LRBA: variants seen among roughly 807,000 people sequenced by gnomAD.
The protein encoded by LRBA is LPS responsive beige-like anchor protein.
In LRBA, 176 loss-of-function variants were observed where a neutral mutation model predicts 330.0. That is an observed-to-expected ratio of 0.53 (90% CI 0.47 to 0.60). The LOEUF (loss-of-function observed/expected upper bound fraction) is 0.60, where lower values mean the gene tolerates loss of function less well. Among genes scored for constraint, LRBA ranks in the 20% least tolerant of loss-of-function variants. The pLI is 0.00. For missense variants in LRBA, 3,259 were observed against 3,444.8 expected (o/e 0.95, Z 1.35); for synonymous variants, 1,230 against 1,193.0 (o/e 1.03, Z -0.64).
intron 56 of LRBA, among the ~76,000 whole-genome samples, chr4:150,276,502 T>C (rs1237311596): frequency 6.6e-6 from 1 of 152,170 alleles, no homozygotes; most frequent in East Asian, 1.9e-4. Context: ...GGCTACAGAA[T>C]TGGAGAAAAT....
At chr4:150,409,820 A>T (rs532886417) in intron 47 of LRBA, among the ~76,000 whole-genome samples, 3 of 152,218 alleles carry the variant, frequency 2.0e-5, no homozygotes, top group Non-Finnish European at 4.4e-5. Flanking sequence ...ATTACATATC[A>T]CGGCTAAAAG....
At chr4:150,853,832 A>G (rs1430635853) in intron 22 of LRBA, among the ~76,000 whole-genome samples, 2 of 152,192 alleles carry the variant, frequency 1.3e-5, no homozygotes, top group Admixed American at 6.5e-5. Context: ...AGAAAAACCT[A>G]TAACACATGC....
chr4:150,394,103 A>G (rs1268240480), intron 47 of LRBA, among the ~76,000 whole-genome samples: 1 of 152,146 alleles, frequency 6.6e-6, no homozygotes, highest in Non-Finnish European at 1.5e-5. Context: ...TTACATAACA[A>G]TTTCTTTGCC....
intron 13 of LRBA, among the ~76,000 whole-genome samples, chr4:150,905,550 T>C (rs1309497742): frequency 1.3e-5 from 2 of 152,122 alleles, no homozygotes; most frequent in African/African-American, 4.8e-5. Context: ...TTTCATTTAA[T>C]TTCAGAAAAC....
chr4:150,822,678 C>G (rs1046850455), intron 30 of LRBA, among the ~76,000 whole-genome samples: 3 of 152,114 alleles, frequency 2.0e-5, no homozygotes, highest in African/African-American at 7.2e-5. Flanking sequence ...CCCTTGATCC[C>G]ATGAGTTTGA....
At chr4:150,719,991 T>C (rs1021899165) in intron 36 of LRBA, among the ~76,000 whole-genome samples, 2 of 152,148 alleles carry the variant, frequency 1.3e-5, no homozygotes, top group African/African-American at 4.8e-5. Flanking sequence ...TGAGGATTTC[T>C]AAGAAAGACT....
intron 37 of LRBA, among the ~76,000 whole-genome samples, chr4:150,669,191 T>G (rs563550013): frequency 6.6e-6 from 1 of 152,164 alleles, no homozygotes; most frequent in South Asian, 2.1e-4. Context: ...GCAATAATAA[T>G]AGCTATTAAT....
intron 17 of LRBA, among the ~76,000 whole-genome samples, chr4:150,878,053 C>A (rs1221549211): frequency 1.3e-5 from 2 of 152,020 alleles, no homozygotes; most frequent in African/African-American, 4.8e-5. Context: ...AAACTTTAGG[C>A]CAGGCACAGT....
At chr4:150,936,506 T>C (rs970223610) in intron 2 of LRBA, among the ~76,000 whole-genome samples, 2 of 151,894 alleles carry the variant, frequency 1.3e-5, no homozygotes, top group Non-Finnish European at 2.9e-5. Flanking sequence ...GAAAACCTTC[T>C]TGTGGAAAAG....
chr4:151,003,468 T>A (rs1215759121), intron 2 of LRBA, among the ~76,000 whole-genome samples: 1 of 150,980 alleles, frequency 6.6e-6, no homozygotes, highest in Non-Finnish European at 1.5e-5. Context: ...AAAGGAATCC[T>A]GAGCCTAAAG....
At chr4:150,454,800 C>T (rs1362805225) in intron 44 of LRBA, among the ~76,000 whole-genome samples, 2 of 151,980 alleles carry the variant, frequency 1.3e-5, no homozygotes, top group Non-Finnish European at 2.9e-5. Flanking sequence ...ATACCCATAG[C>T]TTAGTTCCCG....
At chr4:150,566,424 C>A (rs996870581) in intron 40 of LRBA, among the ~76,000 whole-genome samples, 2 of 151,554 alleles carry the variant, frequency 1.3e-5, no homozygotes, top group Non-Finnish European at 2.9e-5. Context: ...GTATCTGAAT[C>A]AAGGATATAA....
intron 2 of LRBA, among the ~76,000 whole-genome samples, chr4:150,969,477 T>C (rs900870282): frequency 3.9e-5 from 6 of 152,238 alleles, no homozygotes; most frequent in African/African-American, 9.6e-5. Flanking sequence ...GTGGTGGAAA[T>C]AGCAAGAGAA....
intron 48 of LRBA, among the ~76,000 whole-genome samples, chr4:150,338,247 G>A (rs968062521): frequency 3.3e-5 from 5 of 151,994 alleles, no homozygotes; most frequent in Non-Finnish European, 5.9e-5. Flanking sequence ...GCAATATCAC[G>A]GCTCTCCCCT....
chr4:150,342,192 G>C (rs1581062553), intron 48 of LRBA, among the ~76,000 whole-genome samples: 1 of 151,848 alleles, frequency 6.6e-6, no homozygotes, highest in Non-Finnish European at 1.5e-5. Context: ...GGTTAGAAAG[G>C]CTTAATAAGA....
At chr4:150,362,209 A>G (rs1738813948) in intron 47 of LRBA, among the ~76,000 whole-genome samples, 1 of 152,096 alleles carries the variant, frequency 6.6e-6, no homozygotes, top group Non-Finnish European at 1.5e-5. Flanking sequence ...CTAGTCAGCC[A>G]ATTCAGAAAT....
chr4:150,417,394 T>C (rs555186877), intron 46 of LRBA, among the ~76,000 whole-genome samples: 12 of 152,312 alleles, frequency 7.9e-5, no homozygotes, highest in African/African-American at 2.6e-4. Context: ...TTTCACTTCA[T>C]AATACTTGTG....
intron 9 of LRBA, among the ~76,000 whole-genome samples, chr4:150,913,369 A>G (rs1346079009): frequency 6.6e-6 from 1 of 152,220 alleles, no homozygotes; most frequent in Non-Finnish European, 1.5e-5. Context: ...TGGGAGGCTG[A>G]GGCAGGAGAA....
chr4:150,776,003 GATA>G (rs1309673752), intron 34 of LRBA, among the ~76,000 whole-genome samples: 2 of 152,006 alleles, frequency 1.3e-5, no homozygotes, highest in Non-Finnish European at 2.9e-5. Context: ...ATAAATACAT[GATA>G]ATAACGTAAA....
Sources: allele counts gnomAD v4.1 joint callset (sites outside exome capture counted in the v4.1 genomes callset), GRCh38; gene constraint gnomAD v4.1.1; transcripts MANE v1.5; gene names NCBI Gene and HGNC (gene_info 2026-07-23, HGNC 2026-07-21).